The following GRIA4 variants were observed in gnomAD, a reference collection of about 807,000 sequenced individuals.
The protein encoded by GRIA4 is glutamate ionotropic receptor AMPA type subunit 4, also known as glutamate receptor 4.
In GRIA4, 34 loss-of-function variants were observed where a neutral mutation model predicts 104.0. That is an observed-to-expected ratio of 0.33 (90% CI 0.25 to 0.44). The LOEUF is 0.44. GRIA4 is among the 20% of genes least tolerant of loss of function. The pLI, the probability that GRIA4 is intolerant of heterozygous loss-of-function variation, is 1.00. For missense variants in GRIA4, 750 were observed against 1,096.5 expected, an observed-to-expected ratio of 0.68 and a Z score of 4.46; for synonymous variants, 386 against 381.9, an observed-to-expected ratio of 1.01 and a Z score of -0.13.
At chr11:105,783,372 A>G (rs1941812541) in intron 4 of GRIA4, among the ~76,000 whole-genome samples, 2 of 152,248 alleles carry the variant, frequency 1.3e-5, no homozygotes, top group African/African-American at 2.4e-5. Flanking sequence ...TCTCATTTCA[A>G]GAGTCACTTT....
chr11:105,620,965 C>T (rs960814814), intron 3 of GRIA4, among the ~76,000 whole-genome samples: 5 of 151,658 alleles, frequency 3.3e-5, no homozygotes, highest in Admixed American at 1.3e-4. Context: ...TCCTAAAGAA[C>T]ACCATGCTAT....
At chr11:105,910,346 G>T in intron 9 of GRIA4, 89 bp from the exon 10 acceptor site, 45 of 619,932 alleles carry the variant, frequency 7.3e-5, no homozygotes, top group South Asian at 1.6e-4. Context: ...TGTTTTGTTT[G>T]CTTACCTATT....
rs1169703233 is a variant in GRIA4 at position 105,759,957 on chromosome 11, T to C, written c.487+6737T>C. 6.3e-5 allele frequency among the ~76,000 whole-genome samples: 9 copies of C among 142,160 alleles called. No individual in the cohort carries two copies. The Admixed American group carries it at 6.4e-4, about 10-fold the overall frequency. The allele number at this position is 142,160 out of a possible 152,430, so 93.3% of individuals were successfully genotyped here. A position where few individuals can be genotyped will look rare whatever the true frequency, so the allele number is the denominator to read the frequency against. On this transcript the variant is annotated intron_variant, in intron 4 of 16. Transcript: ENST00000282499. ...TCATTGAACAAGAATAGTGCCCCCA[T>C]ACAGTCACACTTAATAAATATGAAT...
At chr11:105,753,305 T>C (rs1056503152) in intron 4 of GRIA4, 85 bp downstream of exon 4, 1 of 1,214,676 alleles carries the variant, frequency 8.2e-7, no homozygotes, top group Admixed American at 1.8e-5. Flanking sequence ...TTTAGCAAAT[T>C]GTTTGATCTC....
intron 5 of GRIA4, among the ~76,000 whole-genome samples, chr11:105,867,233 G>A (rs570472850): frequency 6.6e-6 from 1 of 152,126 alleles, no homozygotes; most frequent in Admixed American, 6.6e-5. Flanking sequence ...CCTACCTCAG[G>A]GCAAGATCAA....
At chr11:105,721,334 C>T (rs1276137465) in intron 3 of GRIA4, among the ~76,000 whole-genome samples, 5 of 152,042 alleles carry the variant, frequency 3.3e-5, no homozygotes, top group Non-Finnish European at 7.4e-5. Flanking sequence ...CCTCCCCTTC[C>T]TGTTCTCCTC....
chr11:105,934,677 T>C (rs1947980816), intron 14 of GRIA4, among the ~76,000 whole-genome samples: 1 of 152,088 alleles, frequency 6.6e-6, no homozygotes, highest in Non-Finnish European at 1.5e-5. Context: ...CCATTACATG[T>C]GTGGATTAAG....
intron 5 of GRIA4, chr11:105,862,663 T>G (rs1170359465): frequency 2.8e-5 from 3 of 105,756 alleles, no homozygotes; most frequent in Non-Finnish European, 6.4e-5. Context: ...AGTGGAATAC[T>G]GTATATAATT....
At chr11:105,733,719 G>A (rs968407421) in intron 3 of GRIA4, among the ~76,000 whole-genome samples, 3 of 152,038 alleles carry the variant, frequency 2.0e-5, no homozygotes, top group African/African-American at 7.2e-5. Context: ...GCCTCCCAGT[G>A]TTGGGATTAC....
chr11:105,640,288 C>T (rs1030931157), intron 3 of GRIA4, among the ~76,000 whole-genome samples: 16 of 151,798 alleles, frequency 1.1e-4, no homozygotes, highest in Non-Finnish European at 2.4e-4. Context: ...TTCTTGTATT[C>T]TCAGAATTTC....
intron 4 of GRIA4, among the ~76,000 whole-genome samples, chr11:105,798,662 G>A (rs1942592066): frequency 6.6e-6 from 1 of 152,124 alleles, no homozygotes; most frequent in South Asian, 2.1e-4. Flanking sequence ...TGGTTGAACT[G>A]GCACTAGGAG....
chr11:105,671,148 A>G (rs1367430403), intron 3 of GRIA4, among the ~76,000 whole-genome samples: 1 of 152,074 alleles, frequency 6.6e-6, no homozygotes, highest in African/African-American at 2.4e-5. Flanking sequence ...AAGGTCTTTA[A>G]CCTTAATCAT....
intron 3 of GRIA4, among the ~76,000 whole-genome samples, chr11:105,699,771 T>C (rs1953418657): frequency 6.6e-6 from 1 of 151,746 alleles, no homozygotes; most frequent in South Asian, 2.1e-4. Flanking sequence ...TATCAAAGAG[T>C]CTTCCTAAAC....
intron 10 of GRIA4, 112 bp from the exon 11 acceptor site, chr11:105,918,600 G>C: frequency 3.2e-6 from 2 of 620,326 alleles, no homozygotes; most frequent in Non-Finnish European, 5.8e-6. Context: ...AAATCAGTAT[G>C]TGTACCAATA....
Position 105,612,300 on chromosome 11 carries a change from A to T in GRIA4, c.113A>T (p.Asp38Val). 6.2e-7 allele frequency: 1 copy of T among 1,614,122 alleles called. No individual in the cohort carries two copies. Among genetic ancestry groups the T allele is most frequent in the Non-Finnish European group, 8.5e-7 (1 of 1,179,976 alleles). ...QIGGLFIRNTDQEYTAFRLAI... is the reference protein window; with the variant it reads ...QIGGLFIRNTVQEYTAFRLAI... ...GGTGGTCTCTTCATCCGAAACACAG[A>T]TCAGGAATACACTGCTTTTCGATTA... Residue 38 changes from aspartate (D) to valine (V), a missense_variant, in exon 3 of 17, where the codon GAT becomes GTT. Asp to Val is a radical substitution (Grantham distance 152). Coordinates refer to ENST00000282499, the MANE Select transcript of GRIA4 (RefSeq NM_000829.4).
At chr11:105,900,355 T>C (rs1946809028) in intron 7 of GRIA4, among the ~76,000 whole-genome samples, 1 of 152,190 alleles carries the variant, frequency 6.6e-6, no homozygotes, top group Non-Finnish European at 1.5e-5. Flanking sequence ...TTTTCCATTC[T>C]ATAGGCCAAT....
chr11:105,923,260 C>G (rs544591411), intron 11 of GRIA4, among the ~76,000 whole-genome samples: 1 of 152,034 alleles, frequency 6.6e-6, no homozygotes, highest in African/African-American at 2.4e-5. Context: ...GTAGATCATG[C>G]GACAGTTTAG....
chr11:105,790,332 C>T (rs1006096744), intron 4 of GRIA4, among the ~76,000 whole-genome samples: 4 of 152,172 alleles, frequency 2.6e-5, no homozygotes, highest in Admixed American at 6.5e-5. Context: ...TAATTCACTG[C>T]CAATACTAGG....
chr11:105,780,564 A>C (rs1449310785), intron 4 of GRIA4, among the ~76,000 whole-genome samples: 1 of 152,182 alleles, frequency 6.6e-6, no homozygotes, highest in East Asian at 1.9e-4. Flanking sequence ...AAGGAGGACA[A>C]GACTAAAACT....
Sources: allele counts gnomAD v4.1 joint callset (sites outside exome capture counted in the v4.1 genomes callset), GRCh38; gene constraint gnomAD v4.1.1; transcripts MANE v1.5; gene names NCBI Gene and HGNC (gene_info 2026-07-23, HGNC 2026-07-21).